Variants in KLF12 observed in about 807,000 individuals in gnomAD.
KLF12 encodes the protein Krueppel-like factor 12.
A neutral mutation model predicts 37.8 loss-of-function variants in KLF12; 9 were observed. The ratio of observed to expected loss-of-function variants is 0.24; its 90% CI spans 0.14 to 0.42. The LOEUF is 0.42. Ranked by LOEUF, KLF12 falls within the 10% of genes least tolerant of loss-of-function variation. The pLI is 1.00. For missense variants in KLF12, 411 were observed against 516.0 expected, an observed-to-expected ratio of 0.80 and a Z score of 1.97; for synonymous variants, 208 against 202.1, an observed-to-expected ratio of 1.03 and a Z score of -0.25.
In KLF12 at chr13:73,715,352, C is replaced by T. The variant is rs1875719967; in HGVS notation, c.1027+16G>A. 6.2e-7 allele frequency: 1 copy of T among 1,606,550 alleles called. No homozygotes were observed. Among genetic ancestry groups the T allele is most frequent in the Non-Finnish European group, 8.5e-7 (1 of 1,177,034 alleles). ...CTCTCACTGGCTCACAGGTGAGAAG[C>T]CCTGCAGAGCGGTACCTGTATGTGT... is the stretch of plus-strand genomic sequence containing the variant. On this transcript the variant is annotated intron_variant, in intron 7 of 7. Coordinates refer to ENST00000377669, the MANE Select transcript of KLF12 (RefSeq NM_007249.5).
At chr13:73,935,679 G>A (rs990859551) in intron 3 of KLF12, among the ~76,000 whole-genome samples, 25 of 152,032 alleles carry the variant, frequency 1.6e-4, no homozygotes, top group African/African-American at 5.8e-4. Context: ...TCAGGCTGGC[G>A]TGCAGTGATG....
chr13:73,887,453 G>C (rs1186244438), intron 3 of KLF12, among the ~76,000 whole-genome samples: 1 of 152,082 alleles, frequency 6.6e-6, no homozygotes, highest in Admixed American at 6.6e-5. Context: ...ACATAAAAGA[G>C]CTTGGCCCTT....
At chr13:74,011,260 C>A (rs569075065) in intron 1 of KLF12, among the ~76,000 whole-genome samples, 120 of 147,598 alleles carry the variant, frequency 8.1e-4, no homozygotes, top group Middle Eastern at 7.2e-3. Context: ...AAAAAAAAGC[C>A]ATGGAATTAT....
chr13:74,148,495 C>A, the KLF12 span, among the ~76,000 whole-genome samples: 5 of 141,356 alleles, frequency 3.5e-5, no homozygotes, highest in African/African-American at 1.3e-4. Context: ...TCCCCCCCCA[C>A]CCCACCCCGC....
At chr13:73,776,831 C>T (rs78055863) in intron 5 of KLF12, among the ~76,000 whole-genome samples, 2,080 of 152,116 alleles carry the variant, frequency 0.014, 50 homozygotes, top group African/African-American at 0.048. Flanking sequence ...AAGCACTCTA[C>T]CATTGTGATT....
intron 2 of KLF12, among the ~76,000 whole-genome samples, chr13:73,977,366 A>G (rs1891558757): frequency 6.6e-6 from 1 of 152,124 alleles, no homozygotes; most frequent in East Asian, 1.9e-4. Flanking sequence ...TTCTTTTCAA[A>G]CACATACAAA....
intron 1 of KLF12, among the ~76,000 whole-genome samples, chr13:74,089,718 C>T (rs1415484859): frequency 6.3e-5 from 7 of 110,454 alleles, no homozygotes; most frequent in Non-Finnish European, 1.3e-4. Flanking sequence ...AAGCAATTGA[C>T]AAAACACCAT....
chr13:74,222,037 T>A, the KLF12 span, among the ~76,000 whole-genome samples: 7 of 152,202 alleles, frequency 4.6e-5, no homozygotes, highest in Non-Finnish European at 8.8e-5. Flanking sequence ...TACTGAATAG[T>A]TGAGTGAGAG....
At chr13:74,122,198 G>A (rs1266998655) in intron 1 of KLF12, among the ~76,000 whole-genome samples, 2 of 152,010 alleles carry the variant, frequency 1.3e-5, no homozygotes, top group African/African-American at 4.8e-5. Flanking sequence ...TCAGGCAGAT[G>A]GTTAGTGGCT....
chr13:73,752,423 C>T (rs1566342533), intron 6 of KLF12, among the ~76,000 whole-genome samples: 1 of 86,892 alleles, frequency 1.2e-5, no homozygotes, highest in Non-Finnish European at 2.4e-5. Context: ...CCACACCACA[C>T]ACATGCACCC....
intron 3 of KLF12, among the ~76,000 whole-genome samples, chr13:73,910,026 C>A (rs1888496002): frequency 6.6e-6 from 1 of 151,956 alleles, no homozygotes; most frequent in Non-Finnish European, 1.5e-5. Context: ...GAATTATTAG[C>A]CTCATTGATA....
intron 1 of KLF12, among the ~76,000 whole-genome samples, chr13:74,026,487 G>T (rs1342396676): frequency 6.6e-6 from 1 of 151,982 alleles, no homozygotes; most frequent in Non-Finnish European, 1.5e-5. Context: ...GATATTTAAG[G>T]TTCTTCTATT....
At chr13:73,991,409 T>A (rs1345068340) in intron 2 of KLF12, among the ~76,000 whole-genome samples, 2 of 152,218 alleles carry the variant, frequency 1.3e-5, no homozygotes, top group Admixed American at 1.3e-4. Context: ...TCTGAAAATG[T>A]CTGACTTTGT....
chr13:74,062,418 A>C (rs1160060653), intron 1 of KLF12, among the ~76,000 whole-genome samples: 1 of 152,224 alleles, frequency 6.6e-6, no homozygotes, highest in Non-Finnish European at 1.5e-5. Context: ...CATCCTGTAG[A>C]TGATTTTATG....
rs192179776 is a variant in KLF12 at position 73,985,030 on chromosome 13, C to A, written c.33+9960G>T. 5.0e-4 allele frequency among the ~76,000 whole-genome samples: 7 copies of A among 14,028 alleles called. No homozygotes were observed. In the Non-Finnish European group the frequency reaches 5.3e-3, roughly 11 times the overall value. 9.2% of individuals were successfully genotyped at this position (14,028 alleles called of 152,430 possible). On this transcript the variant is annotated intron_variant, in intron 2 of 7. Transcript: ENST00000377669. ...TGACACAGCTTCTGCCTGGTGTTAT[C>A]CCCCCACCCACCTTCCCCAGTGCGC... is the stretch of plus-strand genomic sequence containing the variant.
intron 3 of KLF12, among the ~76,000 whole-genome samples, chr13:73,860,352 C>T (rs1885854630): frequency 6.6e-6 from 1 of 152,170 alleles, no homozygotes; most frequent in Non-Finnish European, 1.5e-5. Flanking sequence ...AAGCACCTAT[C>T]ACAGTCCCCA....
rs573063675 is a variant in KLF12 at position 73,688,522 on chromosome 13, C to T, written c.*6968G>A. On this transcript the variant is annotated 3_prime_UTR_variant, in exon 8 of 8. Transcript: ENST00000377669. ...ATGTCTATATTGGTGGAAAGGTATA[C>T]AAAGAGTTGAGGAACTGAGAAAGTG... 6 of 152,164 alleles carry T rather than the reference C, an allele frequency of 3.9e-5. No individual in the cohort carries two copies. In the South Asian group the frequency reaches 6.2e-4, roughly 16 times the overall value. 9.4% of individuals were successfully genotyped at this position (152,164 alleles called of 1,614,324 possible).
At chr13:74,079,248 C>T (rs1874743347) in intron 1 of KLF12, among the ~76,000 whole-genome samples, 1 of 151,996 alleles carries the variant, frequency 6.6e-6, no homozygotes, top group Non-Finnish European at 1.5e-5. Context: ...AGTTACTGTC[C>T]AATGGGTAAA....
At chr13:74,016,154 T>G (rs1483226676) in intron 1 of KLF12, among the ~76,000 whole-genome samples, 2 of 151,272 alleles carry the variant, frequency 1.3e-5, no homozygotes, top group African/African-American at 4.9e-5. Flanking sequence ...AAAAGAAAAA[T>G]GGACCAAAAA....
Sources: allele counts gnomAD v4.1 joint callset (sites outside exome capture counted in the v4.1 genomes callset), GRCh38; gene constraint gnomAD v4.1.1; transcripts MANE v1.5; gene names NCBI Gene and HGNC (gene_info 2026-07-23, HGNC 2026-07-21).